Variants in MTUS2 observed in about 807,000 individuals in gnomAD.
MTUS2 encodes the protein microtubule-associated tumor suppressor candidate 2.
Under a neutral mutation model 114.1 loss-of-function variants are expected in MTUS2, and 40 were observed. The ratio of observed to expected loss-of-function variants is 0.35; its 90% confidence interval spans 0.27 to 0.46. The LOEUF is 0.46. Among genes scored for constraint, MTUS2 ranks in the 20% least tolerant of loss-of-function variants. The pLI, the probability that MTUS2 is intolerant of heterozygous loss-of-function variation, is 1.00. For missense variants in MTUS2, 1,679 were observed against 1,705.4 expected (o/e 0.98, Z 0.27); for synonymous variants, 688 against 672.0 (o/e 1.02, Z -0.37).
chr13:29,331,945 A>G (rs746223487), intron 7 of MTUS2, among the ~76,000 whole-genome samples: 48 of 152,158 alleles, frequency 3.2e-4, no homozygotes, highest in Admixed American at 7.9e-4. Context: ...TTGATGTTCT[A>G]TGGGGTTCAG....
chr13:28,950,176 G>T (rs1160170680), intron 2 of MTUS2, among the ~76,000 whole-genome samples: 1 of 152,114 alleles, frequency 6.6e-6, no homozygotes, highest in Non-Finnish European at 1.5e-5. Flanking sequence ...TTATGGTTTT[G>T]ATTTGCAATT....
intron 9 of MTUS2, among the ~76,000 whole-genome samples, chr13:29,467,445 C>T (rs1401563351): frequency 6.6e-6 from 1 of 152,174 alleles, no homozygotes; most frequent in Non-Finnish European, 1.5e-5. Context: ...TTCCACTGCC[C>T]GGGCCTTCTG....
At chr13:28,916,423 C>T (rs373477698) in intron 2 of MTUS2, among the ~76,000 whole-genome samples, 3 of 151,854 alleles carry the variant, frequency 2.0e-5, no homozygotes, top group African/African-American at 7.2e-5. Flanking sequence ...TTCTTCTAAT[C>T]CATGAACATG....
intron 1 of MTUS2, among the ~76,000 whole-genome samples, chr13:28,823,555 G>A (rs1874056906): frequency 6.6e-6 from 1 of 152,106 alleles, no homozygotes; most frequent in Non-Finnish European, 1.5e-5. Flanking sequence ...CATCCACAGA[G>A]ACTCTCTTTT....
At position 29,189,377 on chromosome 13, in the gene MTUS2, A is replaced by G. The variant is rs545722372; in HGVS notation, c.2644+88407A>G. Reference sequence around the variant, plus strand: ...TTATAATGTTTAATATTTATCTTACATCATGGAGTGATATGCTCCCATGCA... The same window carrying G: ...TTATAATGTTTAATATTTATCTTACGTCATGGAGTGATATGCTCCCATGCA... On this transcript the variant is annotated intron_variant, in intron 5 of 15. Transcript: ENST00000612955. Among the ~76,000 whole-genome samples, 3 of 152,280 alleles carry G rather than the reference A, an allele frequency of 2.0e-5. 1 individual carries two copies. Among genetic ancestry groups the G allele is most frequent in the South Asian group, 4.1e-4 (2 of 4,824 alleles).
intron 2 of MTUS2, among the ~76,000 whole-genome samples, chr13:28,971,887 C>T (rs969419151): frequency 6.6e-6 from 1 of 152,204 alleles, no homozygotes; most frequent in South Asian, 2.1e-4. Context: ...CATGCCAAAG[C>T]TTGCCTTGTA....
intron 7 of MTUS2, among the ~76,000 whole-genome samples, chr13:29,346,093 T>C (rs983207074): frequency 6.6e-6 from 1 of 152,062 alleles, no homozygotes; most frequent in African/African-American, 2.4e-5. Flanking sequence ...AGAGGGTCCT[T>C]GGTTGTAGTT....
chr13:28,922,771 T>C (rs1014538566), intron 2 of MTUS2, among the ~76,000 whole-genome samples: 4 of 152,202 alleles, frequency 2.6e-5, no homozygotes, highest in Admixed American at 6.5e-5. Context: ...TTCAGTGATA[T>C]GAAGTTAAAA....
chr13:29,355,598 G>A (rs773160390), intron 7 of MTUS2, among the ~76,000 whole-genome samples: 1 of 152,250 alleles, frequency 6.6e-6, no homozygotes, highest in Non-Finnish European at 1.5e-5. Context: ...AGGACTGGCT[G>A]TATTTCTTAT....
intron 7 of MTUS2, among the ~76,000 whole-genome samples, chr13:29,337,087 G>T (rs1408440463): frequency 6.6e-6 from 1 of 152,170 alleles, no homozygotes; most frequent in East Asian, 1.9e-4. Flanking sequence ...GCTCTGTGGG[G>T]ATGGGTTCTG....
intron 5 of MTUS2, among the ~76,000 whole-genome samples, chr13:29,209,004 T>C: frequency 6.6e-6 from 1 of 152,170 alleles, no homozygotes; most frequent in East Asian, 1.9e-4. Flanking sequence ...ATGACCTGCC[T>C]AGTGCTGTCA....
chr13:29,262,046 C>G (rs1897492947), intron 5 of MTUS2, among the ~76,000 whole-genome samples: 1 of 152,148 alleles, frequency 6.6e-6, no homozygotes, highest in African/African-American at 2.4e-5. Context: ...GAAAATTTCC[C>G]AAATCAAAAG....
At chr13:28,937,039 G>A (rs1362445845) in intron 2 of MTUS2, among the ~76,000 whole-genome samples, 14 of 152,158 alleles carry the variant, frequency 9.2e-5, no homozygotes, top group Admixed American at 6.6e-5. Flanking sequence ...AGGATTATTA[G>A]GGGAGTCAGT....
intron 2 of MTUS2, among the ~76,000 whole-genome samples, chr13:28,872,275 AAG>A (rs1877663118): frequency 6.6e-6 from 1 of 152,088 alleles, no homozygotes; most frequent in Non-Finnish European, 1.5e-5. Flanking sequence ...GTGTAAGGGA[AAG>A]AGAGGAATTG....
At chr13:28,991,954 G>C (rs537940988) in intron 2 of MTUS2, among the ~76,000 whole-genome samples, 2 of 152,306 alleles carry the variant, frequency 1.3e-5, no homozygotes, top group African/African-American at 4.8e-5. Context: ...GCCCAGCCTA[G>C]GCTTGGCTGA....
chr13:29,304,908 T>C (rs1214195150), intron 6 of MTUS2, among the ~76,000 whole-genome samples: 2 of 151,566 alleles, frequency 1.3e-5, no homozygotes, highest in Admixed American at 6.6e-5. Flanking sequence ...TCTCAGCAAA[T>C]GTAAAAAAAA....
At chr13:29,242,724 A>G (rs1329805870) in intron 5 of MTUS2, 4 of 152,264 alleles carry the variant, frequency 2.6e-5, no homozygotes, top group Non-Finnish European at 5.9e-5. Context: ...TAAGTAAGAT[A>G]TCATCCCTGC....
chr13:29,362,204 C>G (rs1334602829), intron 8 of MTUS2, among the ~76,000 whole-genome samples: 1 of 152,188 alleles, frequency 6.6e-6, no homozygotes, highest in Admixed American at 6.5e-5. Flanking sequence ...AGGCTGGTCT[C>G]AAACTCCTGG....
At chr13:29,133,219 T>C (rs1891839342) in intron 5 of MTUS2, among the ~76,000 whole-genome samples, 1 of 152,152 alleles carries the variant, frequency 6.6e-6, no homozygotes, top group South Asian at 2.1e-4. Context: ...TGTTTGTTTT[T>C]TGTTATTGAG....
Sources: gnomAD v4.1 joint callset for allele counts (sites outside exome capture counted in the v4.1 genomes callset) on GRCh38, gnomAD v4.1.1 for gene constraint, MANE v1.5 for transcripts, NCBI Gene and HGNC (gene_info 2026-07-23, HGNC 2026-07-21) for gene names.